Variants in AGAP2 observed in about 807,000 individuals in gnomAD.
The protein encoded by AGAP2 is arf-GAP with GTPase, ANK repeat and PH domain-containing protein 2.
Under a neutral mutation model 110.9 loss-of-function variants are expected in AGAP2, and 32 were observed. That is an observed-to-expected ratio of 0.29 (90% confidence interval 0.22 to 0.39). AGAP2 has a LOEUF of 0.39. Ranked by LOEUF, AGAP2 falls within the 10% of genes least tolerant of loss-of-function variation. The pLI is 1.00. For synonymous variants in AGAP2, 702 were observed against 713.0 expected (o/e 0.98, Z 0.25); for missense variants, 1,285 against 1,638.5 (o/e 0.78, Z 3.72).
rs771945785 is a variant in AGAP2 at position 57,733,015 on chromosome 12, A to T, written c.1550-36T>A. ...AGGAAAGGGGCAGGATTGAACAAGG[A>T]GCCCCACCTTGTTCGATTTTTCACA... On this transcript the variant is annotated intron_variant, in intron 5 of 18. Transcript: ENST00000547588. 28 of 1,611,560 alleles carry T rather than the reference A, an allele frequency of 1.7e-5. No individual in the cohort carries two copies. In the East Asian group the frequency reaches 6.0e-4, roughly 35 times the overall value.
At chr12:57,741,496 G>T (rs756025484), upstream of AGAP2, among the ~76,000 whole-genome samples, 4 of 152,084 alleles carry the variant, frequency 2.6e-5, no homozygotes, top group Non-Finnish European at 5.9e-5. Context: ...TCTCTCTACA[G>T]CTGGAGAACA....
At chr12:57,735,242 G>A in intron 2 of AGAP2, 127 bp downstream of exon 2, 3 of 908,590 alleles carry the variant, frequency 3.3e-6, no homozygotes, top group South Asian at 3.2e-5. Context: ...ACTCTCAGGA[G>A]AACTGGAAAA....
intron 5 of AGAP2, 27 bp from the exon 6 acceptor site, chr12:57,733,006 T>G (rs745781496): frequency 6.2e-7 from 1 of 1,613,262 alleles, no homozygotes; most frequent in South Asian, 1.1e-5. Flanking sequence ...GGGGCAGGAT[T>G]GAACAAGGAG....
At chr12:57,740,161 T>G (rs1302254975), upstream of AGAP2, among the ~76,000 whole-genome samples, 1 of 147,524 alleles carries the variant, frequency 6.8e-6, no homozygotes, top group Non-Finnish European at 1.5e-5. Flanking sequence ...AGTGCTGCCG[T>G]GGGCGGCTCT....
Position 57,731,407 on chromosome 12 carries a change from G to C in AGAP2, c.2104C>G (p.Leu702Val). ...NKEWKKKYVT[L>V]SSNGFLLYHP... is the part of the protein sequence containing the mutation. ...TAGAGTAGAAAGCCATTACTGGACA[G>C]GGTTACATATTTCTTCTTCCATTCT... The change falls in exon 10 of 19, where the codon CTG becomes GTG. Residue 702 changes from leucine (L) to valine (V), a missense_variant. Transcript: ENST00000547588. 1 of 1,614,202 alleles carries C rather than the reference G, an allele frequency of 6.2e-7. No homozygotes were observed. Among genetic ancestry groups the C allele is most frequent in the Non-Finnish European group, 8.5e-7 (1 of 1,180,036 alleles).
chr12:57,727,266 A>G, intron 17 of AGAP2, 37 bp from the exon 18 acceptor site: 1 of 1,611,414 alleles, frequency 6.2e-7, no homozygotes, highest in South Asian at 1.1e-5. Flanking sequence ...GGCTCTAGGG[A>G]CCCCCAGCCA....
rs1955035786 is a variant in AGAP2 at position 57,738,593 on chromosome 12, GGA to G, written c.-349_-348del. 6.6e-6 allele frequency among the ~76,000 whole-genome samples: 1 copy of G among 152,090 alleles called. No homozygotes were observed. Among genetic ancestry groups the G allele is most frequent in the East Asian group, 1.9e-4 (1 of 5,150 alleles). On this transcript the variant is annotated 5_prime_UTR_variant, in exon 1 of 19. Coordinates refer to ENST00000547588, the MANE Select transcript of AGAP2 (RefSeq NM_001122772.3). This position sits in a 1 kb window ranked among gnomAD's most constrained non-coding sequence, Gnocchi z 6.7. Reference sequence around the variant, plus strand: ...GAGGACAGTAGTGGGGGCAAATGGGGGAGAGAGAGGAAAAGGGAGCAGAAAAG... The same window carrying G: ...GAGGACAGTAGTGGGGGCAAATGGGGGAGAGAGGAAAAGGGAGCAGAAAAG...
chr12:57,727,449 C>G lies in AGAP2; in HGVS notation c.2991G>C (p.Leu997=), dbSNP rs201496487. ...TGTCGTTGCCAATAGCCGTCAGCACCAGGGTCAGCTCCCGTGGCCAGTCGT... is the reference window on the plus strand; with the variant it reads ...TGTCGTTGCCAATAGCCGTCAGCACGAGGGTCAGCTCCCGTGGCCAGTCGT... ...DLDDWPRELT[L]VLTAIGNDTA... is the part of the protein sequence containing the mutation. Residue 997 remains leucine, a synonymous_variant, in exon 17 of 19, where the codon CTG becomes CTC. Coordinates refer to ENST00000547588, the MANE Select transcript of AGAP2 (RefSeq NM_001122772.3). The G allele has an allele frequency of 3.1e-6, 5 of 1,613,684 alleles. No homozygotes were observed.
At chr12:57,730,462 G>A in intron 12 of AGAP2, 33 bp downstream of exon 12, 1 of 1,611,998 alleles carries the variant, frequency 6.2e-7, no homozygotes, top group Non-Finnish European at 8.5e-7. Context: ...TTTGGGTGTG[G>A]AAGACAGCAG....
intron 1 of AGAP2, 99 bp from the exon 2 acceptor site, chr12:57,735,526 C>A (rs1037760383): frequency 1.1e-5 from 12 of 1,125,502 alleles, no homozygotes; most frequent in Middle Eastern, 5.5e-4. Flanking sequence ...CCAACCCCCC[C>A]CCAACCCTGC....
Position 57,727,069 on chromosome 12 carries a change from G to A in AGAP2, c.3241C>T (p.Pro1081Ser). 6.3e-7 allele frequency: 1 copy of A among 1,596,978 alleles called. No homozygotes were observed. The highest frequency in any genetic ancestry group is 8.5e-7 in the Non-Finnish European group (1 of 1,172,714). ...GGGTCCTCTACGCTGGTGTCGAGCGGCCCGTGTCGCGCATGGGCCAAAAGC... is the reference window on the plus strand; with the variant it reads ...GGGTCCTCTACGCTGGTGTCGAGCGACCCGTGTCGCGCATGGGCCAAAAGC... ...LLLLAHARHG[P>S]LDTSVEDPQL... is the part of the protein sequence containing the mutation. The change falls in exon 18 of 19, where the codon CCG (proline) becomes TCG (serine). Residue 1081 changes from proline to serine, a missense_variant. Physicochemically the swap from Pro to Ser is moderately conservative, Grantham distance 74. Around this residue, in one of 7 missense-constraint regions of AGAP2, gnomAD observed 201 missense variants for 276.1 expected, o/e 0.73. Transcript: ENST00000547588.
rs1244994799 is a variant in AGAP2, at chr12:57,737,400, G to A, written c.847C>T (p.Pro283Ser). The change falls in exon 1 of 19, where the codon CCG becomes TCG. Residue 283 changes from proline to serine, a missense_variant. By Grantham distance (74) the Pro-to-Ser change is moderately conservative (BLOSUM62 -1). Around this residue, in one of 7 missense-constraint regions of AGAP2, gnomAD observed 844 missense variants for 941.2 expected, o/e 0.90. Transcript: ENST00000547588. This position sits in a 1 kb window ranked among gnomAD's most constrained non-coding sequence, Gnocchi z 5.9. ...GGAGGAGAGCCGGCAGGCGGTCCCGGATGCAAGTCACTGTTGTCCAAGGTC... is the reference window on the plus strand; with the variant it reads ...GGAGGAGAGCCGGCAGGCGGTCCCGAATGCAAGTCACTGTTGTCCAAGGTC... ...SKTLDNSDLHPGPPAGSPPPL... is the reference protein window; with the variant it reads ...SKTLDNSDLHSGPPAGSPPPL... 14 of 1,613,848 alleles carry A rather than the reference G, an allele frequency of 8.7e-6. No homozygotes were observed. The highest frequency in any genetic ancestry group is 1.2e-5 in the Non-Finnish European group (14 of 1,179,832).
At chr12:57,728,158 C>T in intron 14 of AGAP2, 73 bp from the exon 15 acceptor site, 3 of 1,545,672 alleles carry the variant, frequency 1.9e-6, no homozygotes, top group Non-Finnish European at 2.6e-6. Flanking sequence ...AGACCGTCCT[C>T]CCTGATGTCC....
rs1289764833 is a variant in AGAP2 at position 57,730,878 on chromosome 12, G to A, written c.2221C>T (p.Pro741Ser). The A allele has an allele frequency of 6.2e-7, 1 of 1,611,120 alleles. No individual in the cohort carries two copies. Among genetic ancestry groups the A allele is most frequent in the Admixed American group, 1.7e-5 (1 of 59,590 alleles). Residue 741 changes from proline to serine, a missense_variant, in exon 11 of 19, where the codon CCG becomes TCG. By Grantham distance (74) the Pro-to-Ser change is moderately conservative. This residue lies in a region of AGAP2 where 135 missense variants were observed against 182.0 expected (regional missense o/e 0.74). Coordinates refer to ENST00000547588, the MANE Select transcript of AGAP2 (RefSeq NM_001122772.3). ...GGGCCAAAGGCAGAGATGGCCCTCG[G>A]GGGCCGCTTGCCCGGGACTTTGACT... ...TTVKVPGKRP[P>S]RAISAFGPSA...
chr12:57,732,362 A>C (rs1417448787), intron 7 of AGAP2, 41 bp downstream of exon 7: 1 of 1,536,660 alleles, frequency 6.5e-7, no homozygotes, highest in Non-Finnish European at 8.8e-7. Context: ...GCCCCTCTGC[A>C]TCTTACCGGC....
In AGAP2 at chr12:57,729,734, C is replaced by T; in HGVS notation, c.2462G>A (p.Ser821Asn). Residue 821 changes from serine to asparagine, a missense_variant, in exon 13 of 19, where the codon AGT (serine) becomes AAT (asparagine). By Grantham distance (46) the Ser-to-Asn change is conservative. This residue lies in a region of AGAP2 where 135 missense variants were observed against 182.0 expected (regional missense o/e 0.74). Coordinates refer to ENST00000547588, the MANE Select transcript of AGAP2 (RefSeq NM_001122772.3). ...CATGGGAGAAGGAGGGGGTTCCCGACTCAGGGGGCTCAGGTCTCCAGATGG... is the reference window on the plus strand; with the variant it reads ...CATGGGAGAAGGAGGGGGTTCCCGATTCAGGGGGCTCAGGTCTCCAGATGG... The part of the protein sequence containing the change: ...CTPSGDLSPL[S>N]REPPPSPMVK... 6.2e-7 allele frequency: 1 copy of T among 1,613,680 alleles called. No individual in the cohort carries two copies. Among genetic ancestry groups the T allele is most frequent in the Non-Finnish European group, 8.5e-7 (1 of 1,179,756 alleles).
At position 57,731,577 on chromosome 12, in the gene AGAP2, C is replaced by T; in HGVS notation, c.2019G>A (p.Gly673=). The change falls in exon 9 of 19, where the codon GGG becomes GGA. Residue 673 remains glycine (G), a synonymous_variant. Coordinates refer to ENST00000547588, the MANE Select transcript of AGAP2 (RefSeq NM_001122772.3). Reference sequence around the variant, plus strand: ...TCACCTGTTTGATGGGGATGGCTCGCCCACTCCCTGTTGTCTCTCCCCGAC... The same window carrying T: ...TCACCTGTTTGATGGGGATGGCTCGTCCACTCCCTGTTGTCTCTCCCCGAC... ...LDSRGETTGS[G]RAIPIKQSFL... The T allele has an allele frequency of 6.2e-7, 1 of 1,614,088 alleles. No homozygotes were observed. Among genetic ancestry groups the T allele is most frequent in the Non-Finnish European group, 8.5e-7 (1 of 1,180,014 alleles).
In AGAP2 at chr12:57,735,569, T is replaced by G. The variant is rs1954965810; in HGVS notation, c.1169-142A>C. 1.5e-5 allele frequency: 11 copies of G among 738,602 alleles called. No homozygotes were observed. In the South Asian group the frequency reaches 1.6e-4, roughly 11 times the overall value. 45.8% of individuals were successfully genotyped at this position (738,602 alleles called of 1,614,324 possible). A position where few individuals can be genotyped will look rare whatever the true frequency, so the allele number is the denominator to read the frequency against. On this transcript the variant is annotated intron_variant, in intron 1 of 18. Coordinates refer to ENST00000547588, the MANE Select transcript of AGAP2 (RefSeq NM_001122772.3). ...GGAGAGGTGTGTGCAACAGACAGGT[T>G]TGAGGGTGGTCCCCAGGCCTCCCAT...
At chr12:57,729,020 C>CA (rs1954830859) in intron 13 of AGAP2, among the ~76,000 whole-genome samples, 1 of 151,418 alleles carries the variant, frequency 6.6e-6, no homozygotes, top group Non-Finnish European at 1.5e-5. Flanking sequence ...CTAAAAAATA[C>CA]AAAAAATTAG....
Sources: allele counts gnomAD v4.1 joint callset (sites outside exome capture counted in the v4.1 genomes callset), GRCh38; gene constraint gnomAD v4.1.1; regional missense constraint gnomAD v4.1.1; non-coding constraint Gnocchi (gnomAD v3.1); transcripts MANE v1.5; gene names NCBI Gene and HGNC (gene_info 2026-07-23, HGNC 2026-07-21).